The following CCSER1 variants were observed in gnomAD, a reference collection of about 807,000 sequenced individuals.
CCSER1 encodes coiled-coil serine rich protein 1, also known as serine-rich coiled-coil domain-containing protein 1.
A neutral mutation model predicts 82.0 loss-of-function variants in CCSER1; 41 were observed. The ratio of observed to expected loss-of-function variants is 0.50; its 90% CI spans 0.39 to 0.65. The LOEUF is 0.65. CCSER1 is among the 30% of genes least tolerant of loss of function. The pLI is 0.00. For missense variants in CCSER1, 1,119 were observed against 1,064.2 expected (o/e 1.05, Z -0.72); for synonymous variants, 414 against 383.9 (o/e 1.08, Z -0.92).
intron 7 of CCSER1, among the ~76,000 whole-genome samples, chr4:90,779,231 C>A (rs1029341688): frequency 1.3e-5 from 2 of 152,096 alleles, no homozygotes; most frequent in Non-Finnish European, 2.9e-5. Flanking sequence ...TACTAAATAT[C>A]TTTTATTTCT....
intron 6 of CCSER1, among the ~76,000 whole-genome samples, chr4:90,631,308 G>C (rs1724378269): frequency 6.6e-6 from 1 of 152,046 alleles, no homozygotes; most frequent in Non-Finnish European, 1.5e-5. Context: ...TTTTTGGTTT[G>C]TTACATGAGT....
At chr4:90,401,831 T>G (rs574761208) in intron 4 of CCSER1, among the ~76,000 whole-genome samples, 3 of 152,090 alleles carry the variant, frequency 2.0e-5, no homozygotes, top group Non-Finnish European at 2.9e-5. Context: ...GGCCACCCGA[T>G]TGTAAGGATG....
chr4:90,819,800 C>G (rs920743004), intron 8 of CCSER1, among the ~76,000 whole-genome samples: 11 of 152,062 alleles, frequency 7.2e-5, no homozygotes, highest in African/African-American at 2.7e-4. Context: ...CATTACTTAC[C>G]TTGGTGAGAT....
At chr4:91,334,384 C>T (rs1747174547) in intron 10 of CCSER1, among the ~76,000 whole-genome samples, 1 of 151,932 alleles carries the variant, frequency 6.6e-6, no homozygotes, top group Non-Finnish European at 1.5e-5. Context: ...TAGGTGTTCC[C>T]TAATTCATTA....
At chr4:90,221,702 G>A (rs1041290210) in intron 1 of CCSER1, among the ~76,000 whole-genome samples, 2 of 151,924 alleles carry the variant, frequency 1.3e-5, no homozygotes, top group Non-Finnish European at 2.9e-5. Context: ...CTACCCTTTG[G>A]CATGAATGAT....
intron 4 of CCSER1, among the ~76,000 whole-genome samples, chr4:90,455,314 A>G (rs1474860104): frequency 6.6e-6 from 1 of 152,226 alleles, no homozygotes; most frequent in Non-Finnish European, 1.5e-5. Context: ...TTTTCTCCAG[A>G]GTCTGAGTAT....
chr4:90,301,017 A>G lies in CCSER1; in HGVS notation c.-41-7227A>G, dbSNP rs138496997. ...ATTAATTTTTTTTTCTTTTTTTCTA[A>G]GAGATGGGTTCTCCCTATGTTGCTC... is the stretch of plus-strand genomic sequence containing the variant. On this transcript the variant is annotated intron_variant, in intron 1 of 10. Transcript: ENST00000509176. Among the ~76,000 whole-genome samples the G allele has an allele frequency of 2.8e-4, 43 of 152,000 alleles. No individual in the cohort carries two copies. The East Asian group carries it at 8.3e-3, about 29-fold the overall frequency.
chr4:90,538,162 C>T (rs1311764426), intron 5 of CCSER1, among the ~76,000 whole-genome samples: 1 of 151,958 alleles, frequency 6.6e-6, no homozygotes, highest in Non-Finnish European at 1.5e-5. Context: ...GTAAGTCACT[C>T]CTTCTTTTGT....
chr4:90,948,223 C>A (rs1732491638), intron 9 of CCSER1, among the ~76,000 whole-genome samples: 1 of 151,732 alleles, frequency 6.6e-6, no homozygotes, highest in African/African-American at 2.4e-5. Flanking sequence ...GGTAAACATT[C>A]ATTATATCAA....
intron 5 of CCSER1, among the ~76,000 whole-genome samples, chr4:90,483,093 T>C (rs536940356): frequency 4.8e-4 from 73 of 152,272 alleles, no homozygotes; most frequent in African/African-American, 1.5e-3. Context: ...TAGTTAGTTC[T>C]TCTTGTTGAA....
At chr4:91,293,222 T>C (rs1487419065) in intron 10 of CCSER1, among the ~76,000 whole-genome samples, 1 of 151,950 alleles carries the variant, frequency 6.6e-6, no homozygotes, top group Non-Finnish European at 1.5e-5. Context: ...ACAACCCTTG[T>C]TGTACCGGCC....
intron 10 of CCSER1, among the ~76,000 whole-genome samples, chr4:91,224,776 CA>C (rs1391040650): frequency 6.6e-6 from 1 of 151,832 alleles, no homozygotes; most frequent in East Asian, 1.9e-4. Context: ...ATTTCCTTTC[CA>C]AATTCCTATC....
chr4:90,591,733 G>A (rs539571889), intron 5 of CCSER1, among the ~76,000 whole-genome samples: 3 of 152,220 alleles, frequency 2.0e-5, no homozygotes, highest in East Asian at 1.9e-4. Context: ...ACACATGAAC[G>A]TGTATGTTTA....
At chr4:91,033,055 TAAAC>T (rs1186890860) in intron 9 of CCSER1, among the ~76,000 whole-genome samples, 1 of 118,366 alleles carries the variant, frequency 8.4e-6, no homozygotes, top group Non-Finnish European at 1.8e-5. Flanking sequence ...TACATACAAA[TAAAC>T]AAAAAAAAAA....
intron 3 of CCSER1, among the ~76,000 whole-genome samples, chr4:90,377,813 T>C (rs962996544): frequency 2.0e-4 from 31 of 152,130 alleles, no homozygotes; most frequent in Non-Finnish European, 4.4e-4. Flanking sequence ...TAATTGGAAA[T>C]AAATGATAAT....
At chr4:90,916,714 G>A (rs994185940) in intron 8 of CCSER1, among the ~76,000 whole-genome samples, 1 of 152,152 alleles carries the variant, frequency 6.6e-6, no homozygotes, top group Non-Finnish European at 1.5e-5. Context: ...AATACCATCA[G>A]AGTGAACAGG....
At chr4:90,815,949 C>CT in intron 8 of CCSER1, 104 bp downstream of exon 8, 1 of 653,642 alleles carries the variant, frequency 1.5e-6, no homozygotes, top group South Asian at 2.4e-5. Flanking sequence ...TTTGTAAATC[C>CT]TTCCAGTGGT....
chr4:90,975,141 A>G (rs1023587150), intron 9 of CCSER1, among the ~76,000 whole-genome samples: 1 of 151,470 alleles, frequency 6.6e-6, no homozygotes, highest in Non-Finnish European at 1.5e-5. Context: ...GATTCAATTT[A>G]TATGAAATGT....
chr4:91,039,147 C>T (rs1325332220), intron 9 of CCSER1, among the ~76,000 whole-genome samples: 1 of 152,102 alleles, frequency 6.6e-6, no homozygotes, highest in Non-Finnish European at 1.5e-5. Flanking sequence ...CCCACCTAAG[C>T]CTCCTGAGTA....
Sources: gnomAD v4.1 joint callset for allele counts (sites outside exome capture counted in the v4.1 genomes callset) on GRCh38, gnomAD v4.1.1 for gene constraint, MANE v1.5 for transcripts, NCBI Gene and HGNC (gene_info 2026-07-23, HGNC 2026-07-21) for gene names.